PCDHGA9: variants seen among roughly 807,000 people sequenced by gnomAD.
PCDHGA9 encodes protocadherin gamma subfamily A, 9, also known as protocadherin gamma-A9.
In PCDHGA9, 37 loss-of-function variants were observed where a neutral mutation model predicts 62.5. The observed-to-expected ratio is 0.59, with a 90% CI of 0.46 to 0.78. The LOEUF is 0.78. PCDHGA9 is among the 30% of genes least tolerant of loss of function. The pLI is 0.00. For synonymous variants in PCDHGA9, 459 were observed against 484.6 expected (o/e 0.95, Z 0.69); for missense variants, 1,138 against 1,166.2 (o/e 0.98, Z 0.35).
rs774505854 is a variant in PCDHGA9 at position 141,490,507 on chromosome 5, G to A, written c.2425-4300G>A. The A allele has an allele frequency of 5.6e-6, 9 of 1,613,898 alleles. No individual in the cohort carries two copies. The highest frequency in any genetic ancestry group is 4.0e-5 in the African/African-American group (3 of 74,868). ...GGAGGCCACATCCCACTATATCATC[G>A]AGCTGCTGGCCAGCGATGCTGGTTC... On this transcript the variant is annotated intron_variant, in intron 1 of 3. Transcript: ENST00000573521. This position sits in a 1 kb window ranked among gnomAD's most constrained non-coding sequence, Gnocchi z 5.4.
At position 141,414,543 on chromosome 5, in the gene PCDHGA9, C is replaced by T. The variant is rs369387885; in HGVS notation, c.2424+9167C>T. The T allele has an allele frequency of 5.0e-6, 8 of 1,613,880 alleles. No individual in the cohort carries two copies. The African/African-American group carries it at 1.1e-4, about 22-fold the overall frequency. ...ATATCAATGACAACCCACCTACCTT[C>T]TCTCAAGTCTCCTACTTTACCTATA... On this transcript the variant is annotated intron_variant, in intron 1 of 3. Transcript: ENST00000573521.
intron 1 of PCDHGA9, among the ~76,000 whole-genome samples, chr5:141,465,137 GGGGA>G (rs2099097662): frequency 2.0e-5 from 3 of 151,520 alleles, no homozygotes; most frequent in Non-Finnish European, 4.4e-5. Context: ...AAAAAGTTTA[GGGGA>G]TATATGAAGG....
At chr5:141,408,579 T>G in intron 1 of PCDHGA9, 1 of 1,614,026 alleles carries the variant, frequency 6.2e-7, no homozygotes, top group Non-Finnish European at 8.5e-7. Flanking sequence ...ATTGAGGATG[T>G]TAATGACCAC....
intron 2 of PCDHGA9, among the ~76,000 whole-genome samples, chr5:141,504,704 A>G (rs965376942): frequency 1.3e-5 from 2 of 151,356 alleles, no homozygotes; most frequent in African/African-American, 4.8e-5. Flanking sequence ...AGGTTCTTCT[A>G]TGGCCGTGGA....
intron 1 of PCDHGA9, among the ~76,000 whole-genome samples, chr5:141,458,758 G>T (rs1473104567): frequency 1.3e-5 from 2 of 150,844 alleles, no homozygotes; most frequent in Non-Finnish European, 3.0e-5. Context: ...TTTGAGACAG[G>T]GTCTTGCTGT....
At chr5:141,450,006 C>CTATTTTTTTTT (rs70988802) in intron 1 of PCDHGA9, among the ~76,000 whole-genome samples, 2 of 132,964 alleles carry the variant, frequency 1.5e-5, no homozygotes, top group African/African-American at 2.8e-5. Flanking sequence ...TGCCATGTCT[C>CTATTTTTTTTT]TTTTTTTTTT....
intron 1 of PCDHGA9, among the ~76,000 whole-genome samples, chr5:141,438,621 TATATATATATATATAC>T (rs1472935962): frequency 0.016 from 652 of 41,356 alleles, 15 homozygotes; most frequent in East Asian, 0.15. Flanking sequence ...TATATATATA[TATATATATATATATAC>T]ACACACACAC....
intron 3 of PCDHGA9, among the ~76,000 whole-genome samples, chr5:141,510,054 G>A (rs1166696269): frequency 1.3e-5 from 2 of 152,180 alleles, no homozygotes; most frequent in Non-Finnish European, 2.9e-5. Context: ...AAAAGTGATT[G>A]TGCATGTGAA....
In PCDHGA9 at chr5:141,476,291, G is replaced by T. The variant is rs1385060012; in HGVS notation, c.2425-18516G>T. The stretch of plus-strand genomic sequence containing the variant: ...GGTCGCGAACCTTGGTTTGGATCTC[G>T]GTAGCCTCTCAGCCCGCAGGTTCCG... On this transcript the variant is annotated intron_variant, in intron 1 of 3. Coordinates refer to ENST00000573521, the MANE Select transcript of PCDHGA9 (RefSeq NM_018921.3). This position sits in a 1 kb window ranked among gnomAD's most constrained non-coding sequence, Gnocchi z 7.6. 4 of 1,614,128 alleles carry T rather than the reference G, an allele frequency of 2.5e-6. No homozygotes were observed. Among genetic ancestry groups the T allele is most frequent in the South Asian group, 1.1e-5 (1 of 91,072 alleles).
chr5:141,433,878 T>C (rs774226497), intron 1 of PCDHGA9, among the ~76,000 whole-genome samples: 15 of 151,848 alleles, frequency 9.9e-5, no homozygotes, highest in Non-Finnish European at 1.5e-4. Flanking sequence ...GTTTCATCCA[T>C]TGATGACACT....
At position 141,403,789 on chromosome 5, in the gene PCDHGA9, C is replaced by T. The variant is rs1230029917; in HGVS notation, c.837C>T (p.Tyr279=). 6.2e-7 allele frequency: 1 copy of T among 1,613,864 alleles called. No homozygotes were observed. Among genetic ancestry groups the T allele is most frequent in the East Asian group, 2.2e-5 (1 of 44,882 alleles). ...LDEGINGKVA[Y]KFWKINEKQS... ...AGGGAATCAACGGAAAAGTGGCATA[C>T]AAATTCTGGAAAATTAATGAAAAAC... Residue 279 remains tyrosine, a synonymous_variant, in exon 1 of 4, where the codon TAC becomes TAT. Coordinates refer to ENST00000573521, the MANE Select transcript of PCDHGA9 (RefSeq NM_018921.3).
intron 1 of PCDHGA9, among the ~76,000 whole-genome samples, chr5:141,471,692 C>A (rs1293253544): frequency 6.6e-6 from 1 of 152,118 alleles, no homozygotes; most frequent in African/African-American, 2.4e-5. Context: ...TTCTGAAATT[C>A]TGGCTGGAAT....
Position 141,404,347 on chromosome 5 carries a change from C to A in PCDHGA9, c.1395C>A (p.Asn465Lys), listed in dbSNP as rs1451476815. The A allele has an allele frequency of 1.2e-6, 2 of 1,613,916 alleles. No individual in the cohort carries two copies. The highest frequency in any genetic ancestry group is 1.7e-6 in the Non-Finnish European group (2 of 1,179,830). ...ASYSVYLPEN[N>K]ARGTSIFSVI... ...ACTCAGTCTACCTCCCGGAAAACAA[C>A]GCCAGAGGTACTTCCATCTTCTCCG... is the stretch of plus-strand genomic sequence containing the variant. The change falls in exon 1 of 4, where the codon AAC becomes AAA. Residue 465 changes from asparagine (N) to lysine (K), a missense_variant. Asn to Lys is a moderately conservative substitution (Grantham distance 94). Transcript: ENST00000573521.
intron 1 of PCDHGA9, chr5:141,426,390 C>T (rs1211244710): frequency 7.9e-6 from 2 of 252,180 alleles, no homozygotes; most frequent in African/African-American, 4.4e-5. Flanking sequence ...AGATCCGCTA[C>T]TCTATTCCAG....
rs367744321 is a variant in PCDHGA9, at chr5:141,489,394, C to G, written c.2425-5413C>G. The G allele has an allele frequency of 3.7e-6, 6 of 1,614,008 alleles. No individual in the cohort carries two copies. In the African/African-American group the frequency reaches 6.7e-5, roughly 18 times the overall value. On this transcript the variant is annotated intron_variant, in intron 1 of 3. Transcript: ENST00000573521. The surrounding 1 kb of genome is among the most constrained non-coding windows in gnomAD (Gnocchi z 4.5). ...GCTGGTGGGGAATGTTGCTCAGGATCTGGGCTTAAAGATGACAGATCTGTT... is the reference window on the plus strand; with the variant it reads ...GCTGGTGGGGAATGTTGCTCAGGATGTGGGCTTAAAGATGACAGATCTGTT...
rs1190445239 is a variant in PCDHGA9 at position 141,431,331 on chromosome 5, A to T, written c.2424+25955A>T. 1 of 1,614,062 alleles carries T rather than the reference A, an allele frequency of 6.2e-7. No individual in the cohort carries two copies. The highest frequency in any genetic ancestry group is 1.7e-5 in the Admixed American group (1 of 60,026). On this transcript the variant is annotated intron_variant, in intron 1 of 3. Coordinates refer to ENST00000573521, the MANE Select transcript of PCDHGA9 (RefSeq NM_018921.3). The surrounding 1 kb of genome is among the most constrained non-coding windows in gnomAD (Gnocchi z 4.8). ...CAAAATGGAGCCGACGGTAGTAAGT[A>T]CCCCGAATTGGTGCTGAAACGCGCC...
rs922592733 is a variant in PCDHGA9 at position 141,487,979 on chromosome 5, C to T, written c.2425-6828C>T. Among the ~76,000 whole-genome samples the T allele has an allele frequency of 1.3e-5, 2 of 152,178 alleles. No individual in the cohort carries two copies. Among genetic ancestry groups the T allele is most frequent in the African/African-American group, 4.8e-5 (2 of 41,442 alleles). The stretch of plus-strand genomic sequence containing the variant: ...TGGACAAAGGTGGCTGTTTTCTCTA[C>T]TCTTCCTGAAAGAGGGGATCAGATT... On this transcript the variant is annotated intron_variant, in intron 1 of 3. Coordinates refer to ENST00000573521, the MANE Select transcript of PCDHGA9 (RefSeq NM_018921.3). The surrounding 1 kb of genome is among the most constrained non-coding windows in gnomAD (Gnocchi z 5.0).
chr5:141,418,247 G>T, intron 1 of PCDHGA9: 1 of 1,614,032 alleles, frequency 6.2e-7, no homozygotes, highest in Non-Finnish European at 8.5e-7. Context: ...TAATGACCAC[G>T]CCCCTCAATT....
intron 1 of PCDHGA9, chr5:141,409,623 T>G: frequency 6.2e-7 from 1 of 1,613,854 alleles, no homozygotes; most frequent in Non-Finnish European, 8.5e-7. Context: ...ATTGCGCAAG[T>G]GAGCGCCTCT....
Sources: gnomAD v4.1 joint callset for allele counts (sites outside exome capture counted in the v4.1 genomes callset) on GRCh38, gnomAD v4.1.1 for gene constraint, Gnocchi (gnomAD v3.1) non-coding constraint, MANE v1.5 for transcripts, NCBI Gene and HGNC (gene_info 2026-07-23, HGNC 2026-07-21) for gene names.